PRKDC: variants seen among roughly 807,000 people sequenced by gnomAD.
PRKDC encodes the protein DNA-dependent protein kinase catalytic subunit.
PRKDC carries 82 observed loss-of-function variants against 486.9 expected under a neutral mutation model. The observed-to-expected ratio is 0.17, with a 90% confidence interval of 0.14 to 0.20. The LOEUF (loss-of-function observed/expected upper bound fraction) is 0.20, where lower values mean the gene tolerates loss of function less well. Ranked by LOEUF, PRKDC falls within the 10% of genes least tolerant of loss-of-function variation. PRKDC has a pLI of 1.00. For synonymous variants in PRKDC, 1,895 were observed against 1,837.0 expected (o/e 1.03, Z -0.81); for missense variants, 4,504 against 5,038.2 (o/e 0.89, Z 3.21).
chr8:47,940,818 TATC>T (rs1261009953), intron 10 of PRKDC, among the ~76,000 whole-genome samples: 2 of 152,088 alleles, frequency 1.3e-5, no homozygotes, highest in Non-Finnish European at 2.9e-5. Context: ...GGCTCATAAA[TATC>T]ATATATTACA....
rs1364655564 is a variant in PRKDC, at chr8:47,782,995, G to A, written c.11176-397C>T. 9.9e-6 allele frequency: 2 copies of A among 202,324 alleles called. No homozygotes were observed. The highest frequency in any genetic ancestry group is 1.2e-4 in the East Asian group (1 of 8,150). 12.5% of individuals were successfully genotyped at this position (202,324 alleles called of 1,614,324 possible). A position where few individuals can be genotyped will look rare whatever the true frequency, so the allele number is the denominator to read the frequency against. ...GAGACATAATATATTAAGAAACCCA[G>A]GGCCGGGAGCAGTGGCTTACGCCTG... On this transcript the variant is annotated intron_variant, in intron 78 of 85. Coordinates refer to ENST00000314191, the MANE Select transcript of PRKDC (RefSeq NM_006904.7). This position sits in a 1 kb window ranked among gnomAD's most constrained non-coding sequence, Gnocchi z 4.9.
At chr8:47,952,552 C>G (rs925272900) in intron 7 of PRKDC, among the ~76,000 whole-genome samples, 2 of 152,146 alleles carry the variant, frequency 1.3e-5, no homozygotes, top group Non-Finnish European at 2.9e-5. Flanking sequence ...GGTACATACA[C>G]GTGACAGAAT....
Position 47,893,824 on chromosome 8 carries a change from G to GT in PRKDC, c.3599-438dup, listed in dbSNP as rs573658564. 2.9e-3 allele frequency among the ~76,000 whole-genome samples: 440 copies of GT among 152,224 alleles called. 3 individuals are homozygous for GT. The highest frequency in any genetic ancestry group is 0.01 in the African/African-American group (431 of 41,538). ...GTTAAATAAGAGAATCGAATGAGCC[G>GT]TTTTTTCCAGGAAATTTTCTTTTAA... On this transcript the variant is annotated intron_variant, in intron 30 of 85. Transcript: ENST00000314191.
At chr8:47,823,076 T>C (rs1208688286) in intron 64 of PRKDC, among the ~76,000 whole-genome samples, 1 of 151,550 alleles carries the variant, frequency 6.6e-6, no homozygotes, top group Non-Finnish European at 1.5e-5. Context: ...CCCTTGGTGA[T>C]GAGTGATCCT....
intron 4 of PRKDC, among the ~76,000 whole-genome samples, chr8:47,955,507 C>T (rs78325802): frequency 0.027 from 4,104 of 150,438 alleles, 187 homozygotes; most frequent in African/African-American, 0.093. Context: ...TGAACTCTTT[C>T]CCATTGCTAA....
chr8:47,783,117 A>C (rs1454086716), intron 78 of PRKDC: 1 of 159,962 alleles, frequency 6.3e-6, no homozygotes, highest in Non-Finnish European at 1.4e-5. Flanking sequence ...GTCTCTACTA[A>C]AAATACAAAA....
chr8:47,833,601 G>T (rs953879732), intron 59 of PRKDC, among the ~76,000 whole-genome samples: 1 of 151,960 alleles, frequency 6.6e-6, no homozygotes, highest in African/African-American at 2.4e-5. Context: ...TCCTCTGCTC[G>T]GTGCGTTACA....
chr8:47,786,293 T>TC (rs199856772), intron 76 of PRKDC, among the ~76,000 whole-genome samples: 1,608 of 151,444 alleles, frequency 0.011, 19 homozygotes, highest in Non-Finnish European at 0.014. Flanking sequence ...TCGCCTGTAG[T>TC]CCCAGCTACT....
At chr8:47,926,727 T>C (rs1021386669) in intron 21 of PRKDC, 3 of 152,336 alleles carry the variant, frequency 2.0e-5, no homozygotes, top group African/African-American at 7.2e-5. Context: ...AAACCTGTTT[T>C]TTCTATGATG....
At chr8:47,925,604 G>T (rs1486093925) in intron 21 of PRKDC, among the ~76,000 whole-genome samples, 1 of 152,210 alleles carries the variant, frequency 6.6e-6, no homozygotes, top group Non-Finnish European at 1.5e-5. Context: ...TTACTTGGAA[G>T]AATATGTATC....
At chr8:47,940,134 A>G (rs529107225) in intron 10 of PRKDC, among the ~76,000 whole-genome samples, 8 of 152,278 alleles carry the variant, frequency 5.3e-5, no homozygotes, top group African/African-American at 1.9e-4. Flanking sequence ...CACAGGGTGA[A>G]AGAGAGCTGT....
rs1006522815 is a variant in PRKDC at position 47,782,673 on chromosome 8, T to C, written c.11176-75A>G. ...ACTCAGAGGGAAAAGCCAGAGTGGC[T>C]GTGAGCATTCCTCCGTGGGGCCGCC... On this transcript the variant is annotated intron_variant, in intron 78 of 85. Transcript: ENST00000314191. This position sits in a 1 kb window ranked among gnomAD's most constrained non-coding sequence, Gnocchi z 4.9. 1 of 1,483,098 alleles carries C rather than the reference T, an allele frequency of 6.7e-7. No individual in the cohort carries two copies. The allele number at this position is 1,483,098 out of a possible 1,614,324, so 91.9% of individuals were successfully genotyped here.
intron 51 of PRKDC, among the ~76,000 whole-genome samples, chr8:47,853,058 G>A (rs559120226): frequency 6.6e-6 from 1 of 152,220 alleles, no homozygotes; most frequent in Non-Finnish European, 1.5e-5. Flanking sequence ...AGACAGAAAG[G>A]TGCAGTGACA....
Position 47,877,162 on chromosome 8 carries a change from T to C in PRKDC, c.5363+562A>G, listed in dbSNP as rs1029084552. On this transcript the variant is annotated intron_variant, in intron 40 of 85. Transcript: ENST00000314191. ...ATTATACAGGACAAGTGTCCAAGTA[T>C]CTCCAAAAACAAAATAAATAATAGA... Among the ~76,000 whole-genome samples, 19 of 152,154 alleles carry C rather than the reference T, an allele frequency of 1.2e-4. 1 individual carries two copies. The highest frequency in any genetic ancestry group is 1.2e-3 in the Admixed American group (18 of 15,270).
intron 40 of PRKDC, among the ~76,000 whole-genome samples, chr8:47,868,037 C>T (rs1404334045): frequency 6.6e-6 from 1 of 152,124 alleles, no homozygotes. Flanking sequence ...ACAATAAACA[C>T]CAATAGGTTA....
intron 20 of PRKDC, 87 bp from the exon 21 acceptor site, chr8:47,927,440 T>A (rs2090172756): frequency 7.1e-7 from 1 of 1,402,060 alleles, no homozygotes; most frequent in African/African-American, 1.5e-5. Context: ...TGATTTCTAA[T>A]TAATACTCCT....
intron 25 of PRKDC, 134 bp downstream of exon 25, chr8:47,912,276 G>T: frequency 2.0e-6 from 2 of 1,002,196 alleles, no homozygotes; most frequent in Non-Finnish European, 2.7e-6. Flanking sequence ...TTAAACCAGA[G>T]CACCTGGGGT....
chr8:47,803,347 G>C lies in PRKDC; in HGVS notation c.9881C>G (p.Ser3294Cys), dbSNP rs1329945890. The part of the protein sequence containing the change: ...SHCRSRSQGC[S>C]EQVLTVLKTV... Reference sequence around the variant, plus strand: ...TTTCAGCACAGTGAGCACCTGCTCAGAGCAGCCCTGGGACCGGCTCCGGCA... The same window carrying C: ...TTTCAGCACAGTGAGCACCTGCTCACAGCAGCCCTGGGACCGGCTCCGGCA... Residue 3294 changes from serine to cysteine, a missense_variant, in exon 70 of 86, where the codon TCT becomes TGT. Ser to Cys is a moderately radical substitution (Grantham distance 112). Coordinates refer to ENST00000314191, the MANE Select transcript of PRKDC (RefSeq NM_006904.7). The C allele has an allele frequency of 6.2e-7, 1 of 1,613,890 alleles. No individual in the cohort carries two copies. The highest frequency in any genetic ancestry group is 8.5e-7 in the Non-Finnish European group (1 of 1,179,888).
intron 16 of PRKDC, 149 bp from the exon 17 acceptor site, chr8:47,930,936 T>C (rs1019406544): frequency 1.1e-5 from 8 of 708,092 alleles, no homozygotes; most frequent in Non-Finnish European, 1.8e-5. Flanking sequence ...GCTCAAGACC[T>C]ATGGTCTGAT....
Sources: allele counts gnomAD v4.1 joint callset (sites outside exome capture counted in the v4.1 genomes callset), GRCh38; gene constraint gnomAD v4.1.1; non-coding constraint Gnocchi (gnomAD v3.1); transcripts MANE v1.5; gene names NCBI Gene and HGNC (gene_info 2026-07-23, HGNC 2026-07-21).